TNNI3: variants seen among roughly 807,000 people sequenced by gnomAD.
TNNI3 encodes troponin I3, cardiac type, also known as troponin I, cardiac muscle.
Under a neutral mutation model 31.5 loss-of-function variants are expected in TNNI3, and 23 were observed. That is an observed-to-expected ratio of 0.73 (90% CI 0.52 to 1.03). TNNI3 has a LOEUF of 1.03. Ranked by LOEUF, TNNI3 falls within the 50% of genes least tolerant of loss-of-function variation. The pLI is 0.00. For missense variants in TNNI3, 236 were observed against 282.9 expected (o/e 0.83, Z 1.19); for synonymous variants, 120 against 111.7 (o/e 1.07, Z -0.47).
Position 55,156,439 on chromosome 19 carries a change from G to C in TNNI3, c.151-107C>G. ...TAAACCCTCCAGTTTGGTCTCCACT[G>C]TTCCAAGGCCCCGTCCCACCCCGAG... On this transcript the variant is annotated intron_variant, in intron 4 of 7. Transcript: ENST00000344887. The surrounding 1 kb of genome is among the most constrained non-coding windows in gnomAD (Gnocchi z 4.6). 5.9e-6 allele frequency: 9 copies of C among 1,514,338 alleles called. No homozygotes were observed. Among genetic ancestry groups the C allele is most frequent in the Non-Finnish European group, 8.0e-6 (9 of 1,122,990 alleles). 93.8% of individuals were successfully genotyped at this position (1,514,338 alleles called of 1,614,324 possible).
At chr19:55,154,314 G>C in intron 6 of TNNI3, 108 bp from the exon 7 acceptor site, 1 of 1,207,756 alleles carries the variant, frequency 8.3e-7, no homozygotes, top group Non-Finnish European at 1.2e-6. Context: ...CCAGTACCGA[G>C]GCCTTACCAG....
intron 5 of TNNI3, among the ~76,000 whole-genome samples, chr19:55,155,933 G>T (rs2085726329): frequency 8.6e-6 from 1 of 115,814 alleles, no homozygotes; most frequent in Non-Finnish European, 1.7e-5. Context: ...GAGGGGCTGG[G>T]GCCTGGACTC....
In TNNI3 at chr19:55,154,093, C is replaced by T. The variant is rs1262026391; in HGVS notation, c.486G>A (p.Arg162=). The change falls in exon 7 of 8, where the codon CGG becomes CGA. Residue 162 remains arginine, a synonymous_variant. Transcript: ENST00000344887. ...DAMMQALLGA[R]AKESLDLRAH... ...CCCGCAGGTCCAGGGACTCCTTAGCCCGGGCCCCCAGCAGCGCCTGCATCA... is the reference window on the plus strand; with the variant it reads ...CCCGCAGGTCCAGGGACTCCTTAGCTCGGGCCCCCAGCAGCGCCTGCATCA... 2.5e-6 allele frequency: 4 copies of T among 1,613,088 alleles called. No individual in the cohort carries two copies. In the African/African-American group the frequency reaches 4.0e-5, roughly 16 times the overall value.
chr19:55,156,103 C>G lies in TNNI3; in HGVS notation c.282+98G>C. 1.3e-6 allele frequency: 2 copies of G among 1,578,772 alleles called. No homozygotes were observed. Among genetic ancestry groups the G allele is most frequent in the Admixed American group, 3.4e-5 (2 of 59,126 alleles). ...CGAACCATATATAATTGGGTAAGGACAGCCATATTGGACGCCTGGGTCCCG... is the reference window on the plus strand; with the variant it reads ...CGAACCATATATAATTGGGTAAGGAGAGCCATATTGGACGCCTGGGTCCCG... On this transcript the variant is annotated intron_variant, in intron 5 of 7. Coordinates refer to ENST00000344887, the MANE Select transcript of TNNI3 (RefSeq NM_000363.5). The surrounding 1 kb of genome is among the most constrained non-coding windows in gnomAD (Gnocchi z 4.6).
Position 55,156,299 on chromosome 19 carries a change from C to T in TNNI3, c.184G>A (p.Glu62Lys), listed in dbSNP as rs1357844466. The T allele has an allele frequency of 6.2e-7, 1 of 1,610,638 alleles. No homozygotes were observed. The highest frequency in any genetic ancestry group is 8.5e-7 in the Non-Finnish European group (1 of 1,179,150). The change falls in exon 5 of 8, where the codon GAG (glutamate) becomes AAG (lysine). Residue 62 changes from glutamate to lysine, a missense_variant. Glu to Lys is a moderately conservative substitution (Grantham distance 56, BLOSUM62 1). Coordinates refer to ENST00000344887, the MANE Select transcript of TNNI3 (RefSeq NM_000363.5). The surrounding 1 kb of genome is among the most constrained non-coding windows in gnomAD (Gnocchi z 4.6). ...LLLQIAKQEL[E>K]REAEERRGEK... ...CCGCGCCGCTCCTCCGCCTCTCGCT[C>T]CAGCTCTTGCTTTGCAATCTGCAGC...
intron 7 of TNNI3, 81 bp downstream of exon 7, chr19:55,153,949 A>G: frequency 6.5e-7 from 1 of 1,537,314 alleles, no homozygotes; most frequent in Non-Finnish European, 8.9e-7. Flanking sequence ...TCCAAGCACC[A>G]TCTGCCCTCA....
chr19:55,155,632 G>A (rs565595528), intron 5 of TNNI3, among the ~76,000 whole-genome samples: 20 of 101,534 alleles, frequency 2.0e-4, no homozygotes, highest in African/African-American at 8.7e-4. Flanking sequence ...GTCTGAGGGA[G>A]GAGGGGCTGA....
chr19:55,157,455 C>A lies in TNNI3; in HGVS notation c.11+124G>T, dbSNP rs1247962948. 8.9e-6 allele frequency: 14 copies of A among 1,573,528 alleles called. No homozygotes were observed. Among genetic ancestry groups the A allele is most frequent in the Non-Finnish European group, 1.2e-5 (14 of 1,148,202 alleles). On this transcript the variant is annotated intron_variant, in intron 1 of 7. Transcript: ENST00000344887. This position sits in a 1 kb window ranked among gnomAD's most constrained non-coding sequence, Gnocchi z 6.3. ...AGGAGTCTGACTCGCAAACCCACTT[C>A]CTCTCTTCACCCAAGAGTCCCTACG...
At chr19:55,154,380 C>G (rs1434357889) in intron 6 of TNNI3, 174 bp from the exon 7 acceptor site, 2 of 708,338 alleles carry the variant, frequency 2.8e-6, no homozygotes, top group East Asian at 5.4e-5. Flanking sequence ...CTGAATCCCC[C>G]TCCTCATATG....
rs763668988 is a variant in TNNI3, at chr19:55,157,691, C to T, written c.-102G>A. The T allele has an allele frequency of 4.4e-5, 62 of 1,399,588 alleles. No homozygotes were observed. The highest frequency in any genetic ancestry group is 5.4e-5 in the Non-Finnish European group (54 of 993,064). The allele number at this position is 1,399,588 out of a possible 1,614,324, so 86.7% of individuals were successfully genotyped here. A position where few individuals can be genotyped will look rare whatever the true frequency, so the allele number is the denominator to read the frequency against. On this transcript the variant is annotated 5_prime_UTR_variant, in exon 1 of 8. Coordinates refer to ENST00000344887, the MANE Select transcript of TNNI3 (RefSeq NM_000363.5). The surrounding 1 kb of genome is among the most constrained non-coding windows in gnomAD (Gnocchi z 6.3). The stretch of plus-strand genomic sequence containing the variant: ...GGGTGACCTTCAGGGTCCCAGGGAC[C>T]GTCAGTCTCCTCCGGGCTGCTTGAG...
In TNNI3 at chr19:55,157,101, G is replaced by A. The variant is rs778133452; in HGVS notation, c.57C>T (p.Ile19=). The A allele has an allele frequency of 1.2e-6, 2 of 1,603,054 alleles. No individual in the cohort carries two copies. Among genetic ancestry groups the A allele is most frequent in the Non-Finnish European group, 1.7e-6 (2 of 1,176,558 alleles). The change falls in exon 3 of 8, where the codon ATC becomes ATT. Residue 19 remains isoleucine, a synonymous_variant. Transcript: ENST00000344887. This position sits in a 1 kb window ranked among gnomAD's most constrained non-coding sequence, Gnocchi z 6.3. The part of the protein sequence containing the change: ...AREPRPAPAP[I]RRRSSNYRAY... ...CGCGGTAGTTGGAGGAGCGGCGTCT[G>A]ATTGGGGCTGGTGCAGGGCGAGGTT... is the stretch of plus-strand genomic sequence containing the variant.
In TNNI3 at chr19:55,156,988, C is replaced by T. The variant is rs530460806; in HGVS notation, c.108+62G>A. 6.1e-5 allele frequency: 93 copies of T among 1,520,188 alleles called. No individual in the cohort carries two copies. Among genetic ancestry groups the T allele is most frequent in the Non-Finnish European group, 7.5e-5 (85 of 1,128,350 alleles). 94.2% of individuals were successfully genotyped at this position (1,520,188 alleles called of 1,614,324 possible). On this transcript the variant is annotated intron_variant, in intron 3 of 7. Coordinates refer to ENST00000344887, the MANE Select transcript of TNNI3 (RefSeq NM_000363.5). The surrounding 1 kb of genome is among the most constrained non-coding windows in gnomAD (Gnocchi z 4.6). ...CCTTCGCAGCCCTGGCTCCTCCCCC[C>T]ACTCCCAGGGTCTTGGATCCCTCCG...
rs1197802999 is a variant in TNNI3 at position 55,156,573 on chromosome 19, C to T, written c.150+30G>A. On this transcript the variant is annotated intron_variant, in intron 4 of 7. Coordinates refer to ENST00000344887, the MANE Select transcript of TNNI3 (RefSeq NM_000363.5). The surrounding 1 kb of genome is among the most constrained non-coding windows in gnomAD (Gnocchi z 4.6). ...CAAGCTCCGCCCCCTGAGCACCTGC[C>T]TGCTCTTTCCCAGTCCCGCCCGTCC... 5 of 1,556,612 alleles carry T rather than the reference C, an allele frequency of 3.2e-6. No individual in the cohort carries two copies. The highest frequency in any genetic ancestry group is 3.5e-6 in the Non-Finnish European group (4 of 1,149,042).
Position 55,156,605 on chromosome 19 carries a change from T to G in TNNI3, c.148A>C (p.Lys50Gln). ...TTCCCAGTCCCGCCCGTCCTCACCTTCAGCTGCAATTTTCTCGAGGCGGAG... is the reference window on the plus strand; with the variant it reads ...TTCCCAGTCCCGCCCGTCCTCACCTGCAGCTGCAATTTTCTCGAGGCGGAG... ...KISASRKLQL[K>Q]TLLLQIAKQE... Residue 50 changes from lysine to glutamine, a missense_variant and splice_region_variant, in exon 4 of 8, where the codon AAG (lysine) becomes CAG (glutamine). By Grantham distance (53) the Lys-to-Gln change is moderately conservative. Around this residue, in one of 4 missense-constraint regions of TNNI3, gnomAD observed 172 missense variants for 171.8 expected, o/e 1.00. Coordinates refer to ENST00000344887, the MANE Select transcript of TNNI3 (RefSeq NM_000363.5). This position sits in a 1 kb window ranked among gnomAD's most constrained non-coding sequence, Gnocchi z 4.6. 6.4e-7 allele frequency: 1 copy of G among 1,563,376 alleles called. No homozygotes were observed. The highest frequency in any genetic ancestry group is 8.7e-7 in the Non-Finnish European group (1 of 1,152,360).
intron 7 of TNNI3, among the ~76,000 whole-genome samples, chr19:55,153,195 G>C (rs11670538): frequency 6.6e-6 from 1 of 152,000 alleles, no homozygotes. Flanking sequence ...GCATCCCAAA[G>C]TGTTGAGATT....
In TNNI3 at chr19:55,152,012, A is replaced by G. The variant is rs767007279; in HGVS notation, c.550-95T>C. On this transcript the variant is annotated intron_variant, in intron 7 of 7. Coordinates refer to ENST00000344887, the MANE Select transcript of TNNI3 (RefSeq NM_000363.5). This position sits in a 1 kb window ranked among gnomAD's most constrained non-coding sequence, Gnocchi z 4.0. ...TCCCTCCAGCCTGTGGGGCCACTCT[A>G]CCCTGGATGCCTAAGTATCTAGTTC... 7.3e-6 allele frequency: 8 copies of G among 1,099,062 alleles called. No individual in the cohort carries two copies. In the Admixed American group the frequency reaches 1.3e-4, roughly 18 times the overall value. 68.1% of individuals were successfully genotyped at this position (1,099,062 alleles called of 1,614,324 possible). A position where few individuals can be genotyped will look rare whatever the true frequency, so the allele number is the denominator to read the frequency against.
intron 6 of TNNI3, 44 bp from the exon 7 acceptor site, chr19:55,154,250 G>C: frequency 3.8e-6 from 6 of 1,586,870 alleles, no homozygotes; most frequent in Middle Eastern, 3.4e-4. Flanking sequence ...TCCATTTCCC[G>C]CACACCCAAC....
rs104894724 is a variant in TNNI3, at chr19:55,154,146, G to C, written c.433C>G (p.Arg145Gly). ...LRGKFKRPTL[R>G]RVRISADAMM... Reference sequence around the variant, plus strand: ...GCATCTGCAGAGATCCTCACTCTCCGCAGGGTGGGCCGCTTAAACTTGCCT... The same window carrying C: ...GCATCTGCAGAGATCCTCACTCTCCCCAGGGTGGGCCGCTTAAACTTGCCT... The change falls in exon 7 of 8, where the codon CGG (arginine) becomes GGG (glycine). Residue 145 changes from arginine to glycine, a missense_variant. Arg to Gly is a moderately radical substitution (Grantham distance 125, BLOSUM62 -2). Around this residue, in one of 4 missense-constraint regions of TNNI3, gnomAD observed 34 missense variants for 52.7 expected, o/e 0.65. Transcript: ENST00000344887. 6.2e-7 allele frequency: 1 copy of C among 1,613,130 alleles called. No individual in the cohort carries two copies. The highest frequency in any genetic ancestry group is 8.5e-7 in the Non-Finnish European group (1 of 1,180,000).
chr19:55,157,177 C>T lies in TNNI3; in HGVS notation c.25-44G>A. 2 of 1,589,618 alleles carry T rather than the reference C, an allele frequency of 1.3e-6. No individual in the cohort carries two copies. Among genetic ancestry groups the T allele is most frequent in the Non-Finnish European group, 1.7e-6 (2 of 1,169,094 alleles). ...GGACCCCATCACCACCAAGACCCCA[C>T]CCAGCCCTTACCGTACCGCACCCTC... is the stretch of plus-strand genomic sequence containing the variant. On this transcript the variant is annotated intron_variant, in intron 2 of 7. Transcript: ENST00000344887. This position sits in a 1 kb window ranked among gnomAD's most constrained non-coding sequence, Gnocchi z 6.3.
Sources: gnomAD v4.1 joint callset for allele counts (sites outside exome capture counted in the v4.1 genomes callset) on GRCh38, gnomAD v4.1.1 for gene constraint, gnomAD v4.1.1 regional missense constraint, Gnocchi (gnomAD v3.1) non-coding constraint, MANE v1.5 for transcripts, NCBI Gene and HGNC (gene_info 2026-07-23, HGNC 2026-07-21) for gene names.